Variants in PRKCA observed in about 807,000 individuals in gnomAD.
PRKCA encodes the protein protein kinase C alpha type.
Under a neutral mutation model 87.0 loss-of-function variants are expected in PRKCA, and 27 were observed. The ratio of observed to expected loss-of-function variants is 0.31; its 90% CI spans 0.23 to 0.43. The LOEUF is 0.43. PRKCA is among the 20% of genes least tolerant of loss of function. PRKCA has a pLI of 1.00. For synonymous variants in PRKCA, 329 were observed against 311.1 expected (o/e 1.06, Z -0.61); for missense variants, 518 against 852.3 (o/e 0.61, Z 4.88).
intron 2 of PRKCA, among the ~76,000 whole-genome samples, chr17:66,366,473 C>A (rs139640242): frequency 6.6e-6 from 1 of 152,084 alleles, no homozygotes; most frequent in African/African-American, 2.4e-5. Context: ...AGTTAGAAGG[C>A]GATTGGGCAG....
Position 66,806,675 on chromosome 17 carries a change from G to A in PRKCA, c.*2638G>A, listed in dbSNP as rs979029735. The A allele has an allele frequency of 6.6e-6, 1 of 152,248 alleles. No homozygotes were observed. Among genetic ancestry groups the A allele is most frequent in the Admixed American group, 6.5e-5 (1 of 15,288 alleles). 9.4% of individuals were successfully genotyped at this position (152,248 alleles called of 1,614,324 possible). ...ACCCCAAACAGCCTGCCTGTTTAAAGCAGGCAGCAGGCTTAGGCCTTCCCT... is the reference window on the plus strand; with the variant it reads ...ACCCCAAACAGCCTGCCTGTTTAAAACAGGCAGCAGGCTTAGGCCTTCCCT... On this transcript the variant is annotated 3_prime_UTR_variant, in exon 17 of 17. Transcript: ENST00000413366.
intron 2 of PRKCA, among the ~76,000 whole-genome samples, chr17:66,336,840 G>A (rs548372342): frequency 4.0e-5 from 6 of 151,598 alleles, no homozygotes; most frequent in African/African-American, 1.2e-4. Flanking sequence ...CCAGGCTGGA[G>A]TGCAGTGGCG....
chr17:66,527,802 A>G (rs1258895650), intron 3 of PRKCA, among the ~76,000 whole-genome samples: 1 of 152,258 alleles, frequency 6.6e-6, no homozygotes, highest in Non-Finnish European at 1.5e-5. Context: ...AAATATATTC[A>G]TAATGATCTT....
In PRKCA at chr17:66,665,588, T is replaced by C. The variant is rs1317226231; in HGVS notation, c.529+20077T>C. On this transcript the variant is annotated intron_variant, in intron 5 of 16. Transcript: ENST00000413366. ...CTCCTCCATGCCGGATTTCTCAAAGTGTGCTGCTGGTCTACCTGGAGTGGG... is the reference window on the plus strand; with the variant it reads ...CTCCTCCATGCCGGATTTCTCAAAGCGTGCTGCTGGTCTACCTGGAGTGGG... Among the ~76,000 whole-genome samples, 3 of 152,120 alleles carry C rather than the reference T, an allele frequency of 2.0e-5. No individual in the cohort carries two copies. In the East Asian group the frequency reaches 5.8e-4, roughly 29 times the overall value.
intron 2 of PRKCA, among the ~76,000 whole-genome samples, chr17:66,472,808 G>A (rs1181551129): frequency 1.3e-5 from 2 of 152,122 alleles, no homozygotes; most frequent in African/African-American, 4.8e-5. Flanking sequence ...ATGACTATAG[G>A]TCATTTTTCC....
At chr17:66,638,432 T>C (rs1567947387) in intron 3 of PRKCA, 1 of 152,074 alleles carries the variant, frequency 6.6e-6, no homozygotes, top group Non-Finnish European at 1.5e-5. Context: ...CATTAACATC[T>C]CTGTAAAACG....
chr17:66,398,745 C>T (rs867575394), intron 2 of PRKCA, among the ~76,000 whole-genome samples: 23 of 151,978 alleles, frequency 1.5e-4, no homozygotes, highest in African/African-American at 4.8e-4. Flanking sequence ...AGGTGGGTGG[C>T]GTCGCGCTAC....
At chr17:66,758,655 G>T (rs1056235524) in intron 13 of PRKCA, among the ~76,000 whole-genome samples, 7 of 152,294 alleles carry the variant, frequency 4.6e-5, no homozygotes, top group African/African-American at 1.7e-4. Flanking sequence ...TTTGACTCAT[G>T]TTCTATCTTA....
At chr17:66,362,346 G>A (rs1908435070) in intron 2 of PRKCA, among the ~76,000 whole-genome samples, 1 of 152,134 alleles carries the variant, frequency 6.6e-6, no homozygotes, top group Admixed American at 6.5e-5. Context: ...CAGCTGGGTT[G>A]AGCTCTTTCT....
chr17:66,330,035 T>A (rs1008822872), intron 2 of PRKCA, among the ~76,000 whole-genome samples: 1 of 152,068 alleles, frequency 6.6e-6, no homozygotes, highest in Non-Finnish European at 1.5e-5. Context: ...ACTCAACCCA[T>A]TCCCTCTGCT....
chr17:66,644,673 T>A (rs1001409552), intron 4 of PRKCA, among the ~76,000 whole-genome samples: 2 of 152,162 alleles, frequency 1.3e-5, no homozygotes, highest in Non-Finnish European at 2.9e-5. Context: ...TACAGGTTCT[T>A]TGGGGAGAAA....
At chr17:66,573,550 A>T (rs1268378088) in intron 3 of PRKCA, among the ~76,000 whole-genome samples, 1 of 152,238 alleles carries the variant, frequency 6.6e-6, no homozygotes, top group Non-Finnish European at 1.5e-5. Flanking sequence ...AAGATGCTGC[A>T]TGCTCATTAC....
chr17:66,695,216 C>G (rs755309748), intron 8 of PRKCA, among the ~76,000 whole-genome samples: 1 of 152,202 alleles, frequency 6.6e-6, no homozygotes, highest in Non-Finnish European at 1.5e-5. Flanking sequence ...CAAGAGAAAT[C>G]AAGCCAGAAG....
At chr17:66,400,298 C>T (rs907345994) in intron 2 of PRKCA, among the ~76,000 whole-genome samples, 6 of 152,108 alleles carry the variant, frequency 3.9e-5, no homozygotes, top group Admixed American at 1.3e-4. Context: ...ACTACAGGTG[C>T]GTGCCACCAC....
At chr17:66,534,070 C>T (rs1260672827) in intron 3 of PRKCA, among the ~76,000 whole-genome samples, 1 of 149,600 alleles carries the variant, frequency 6.7e-6, no homozygotes, top group Admixed American at 6.7e-5. Flanking sequence ...CTGCCCCCCG[C>T]ACCCCCCCCA....
intron 3 of PRKCA, among the ~76,000 whole-genome samples, chr17:66,528,807 G>A (rs535613692): frequency 6.6e-6 from 1 of 152,352 alleles, no homozygotes; most frequent in African/African-American, 2.4e-5. Flanking sequence ...ATAGTTGGAA[G>A]TACAGTGTAT....
intron 3 of PRKCA, among the ~76,000 whole-genome samples, chr17:66,498,214 G>A (rs908019704): frequency 1.3e-5 from 2 of 151,836 alleles, no homozygotes; most frequent in African/African-American, 4.8e-5. Context: ...TTCCTTTGGG[G>A]CATTTTAGAG....
chr17:66,424,568 A>ACACACACACACACACACAC lies in PRKCA; in HGVS notation c.206-71633_206-71632insCACACACACACACACACAC, dbSNP rs1598660738. On this transcript the variant is annotated intron_variant, in intron 2 of 16. Coordinates refer to ENST00000413366, the MANE Select transcript of PRKCA (RefSeq NM_002737.3). ...GGCAGCAGAGCACGACCCTGTCTCA[A>ACACACACACACACACACAC]ACACACACACACACACACACACACA... Among the ~76,000 whole-genome samples the ACACACACACACACACACAC allele has an allele frequency of 2.1e-3, 292 of 142,052 alleles. 6 individuals carry two copies. Among genetic ancestry groups the ACACACACACACACACACAC allele is most frequent in the East Asian group, 0.018 (84 of 4,798 alleles). 93.2% of individuals were successfully genotyped at this position (142,052 alleles called of 152,430 possible).
At chr17:66,417,253 C>G (rs868579910) in intron 2 of PRKCA, among the ~76,000 whole-genome samples, 1 of 151,470 alleles carries the variant, frequency 6.6e-6, no homozygotes, top group South Asian at 2.1e-4. Flanking sequence ...TTATTAAATC[C>G]ATAGCATAGT....
Sources: gnomAD v4.1 joint callset for allele counts (sites outside exome capture counted in the v4.1 genomes callset) on GRCh38, gnomAD v4.1.1 for gene constraint, MANE v1.5 for transcripts, NCBI Gene and HGNC (gene_info 2026-07-23, HGNC 2026-07-21) for gene names.